SH2D4B: variants seen among roughly 807,000 people sequenced by gnomAD.
The protein encoded by SH2D4B is SH2 domain containing 4B.
A neutral mutation model predicts 61.5 loss-of-function variants in SH2D4B; 45 were observed. That is an observed-to-expected ratio of 0.73 (90% CI 0.58 to 0.94). The LOEUF (loss-of-function observed/expected upper bound fraction) is 0.94, where lower values mean the gene tolerates loss of function less well. Ranked by LOEUF, SH2D4B falls within the 40% of genes least tolerant of loss-of-function variation. The pLI is 0.00. For missense variants in SH2D4B, 572 were observed against 574.2 expected (o/e 1.00, Z 0.04); for synonymous variants, 224 against 220.4 (o/e 1.02, Z -0.14).
intron 7 of SH2D4B, among the ~76,000 whole-genome samples, chr10:80,641,239 T>C (rs1840301384): frequency 6.6e-6 from 1 of 152,232 alleles, no homozygotes; most frequent in Non-Finnish European, 1.5e-5. Flanking sequence ...CCAGTTAGGC[T>C]ACACAGGGGT....
chr10:80,588,726 C>G lies in SH2D4B; in HGVS notation c.592C>G (p.Gln198Glu), dbSNP rs1224306254. The G allele has an allele frequency of 8.1e-6, 13 of 1,614,110 alleles. No individual in the cohort carries two copies. In the Admixed American group the frequency reaches 1.2e-4, roughly 14 times the overall value. Residue 198 changes from glutamine (Q) to glutamate (E), a missense_variant, in exon 4 of 8, where the codon CAG (glutamine) becomes GAG (glutamate). Gln to Glu is a conservative substitution (Grantham distance 29). Coordinates refer to ENST00000646907, the MANE Select transcript of SH2D4B (RefSeq NM_001388272.1). Reference sequence around the variant, plus strand: ...GCTCTACTGGACCCTGAAGCAGGCTCAGCTGCATTGCCAAGCCAGTGAGAA... The same window carrying G: ...GCTCTACTGGACCCTGAAGCAGGCTGAGCTGCATTGCCAAGCCAGTGAGAA... ...KELYWTLKQA[Q>E]LHCQASEKEE...
intron 3 of SH2D4B, among the ~76,000 whole-genome samples, chr10:80,573,275 C>T (rs1842086098): frequency 6.6e-6 from 1 of 151,486 alleles, no homozygotes; most frequent in Non-Finnish European, 1.5e-5. Context: ...CGTGAACCAC[C>T]GTGCCCGGCC....
chr10:80,581,132 C>G (rs1433730290), intron 3 of SH2D4B, among the ~76,000 whole-genome samples: 1 of 152,154 alleles, frequency 6.6e-6, no homozygotes, highest in Non-Finnish European at 1.5e-5. Flanking sequence ...AGTCATTTTC[C>G]TCTGAGATGG....
intron 5 of SH2D4B, among the ~76,000 whole-genome samples, chr10:80,606,790 G>GA (rs1842524891): frequency 6.6e-6 from 1 of 152,058 alleles, no homozygotes; most frequent in South Asian, 2.1e-4. Flanking sequence ...CTGCTGGTAT[G>GA]ACTTTGGCTA....
chr10:80,632,791 G>A (rs1842847616), intron 6 of SH2D4B, among the ~76,000 whole-genome samples: 1 of 151,976 alleles, frequency 6.6e-6, no homozygotes, highest in South Asian at 2.1e-4. Context: ...CCTTCTGGGG[G>A]GAAGCAGCGG....
chr10:80,595,723 G>A (rs531666144), intron 4 of SH2D4B, among the ~76,000 whole-genome samples: 5 of 152,236 alleles, frequency 3.3e-5, no homozygotes, highest in African/African-American at 1.2e-4. Context: ...TGTAAGCAGG[G>A]GACAGACTCC....
At chr10:80,583,481 C>G (rs1033481343) in intron 3 of SH2D4B, among the ~76,000 whole-genome samples, 1 of 138,648 alleles carries the variant, frequency 7.2e-6, no homozygotes, top group Non-Finnish European at 1.5e-5. Flanking sequence ...CCAGCCTGAC[C>G]AACATGATGA....
At chr10:80,566,733 G>T (rs1227339653) in intron 1 of SH2D4B, among the ~76,000 whole-genome samples, 1 of 152,160 alleles carries the variant, frequency 6.6e-6, no homozygotes, top group Admixed American at 6.5e-5. Flanking sequence ...AATTGGCAGT[G>T]TCTGCTGTAA....
At chr10:80,593,440 C>T (rs1055747258) in intron 4 of SH2D4B, among the ~76,000 whole-genome samples, 3 of 152,150 alleles carry the variant, frequency 2.0e-5, no homozygotes, top group Non-Finnish European at 2.9e-5. Flanking sequence ...TTCCTAATGG[C>T]GTATTCTTTC....
intron 3 of SH2D4B, among the ~76,000 whole-genome samples, chr10:80,578,525 A>T (rs1419901798): frequency 6.6e-6 from 1 of 152,142 alleles, no homozygotes; most frequent in Non-Finnish European, 1.5e-5. Flanking sequence ...ATGAGCAAGC[A>T]CAAGAGATGG....
At chr10:80,567,469 C>T (rs1841985027) in intron 1 of SH2D4B, among the ~76,000 whole-genome samples, 1 of 152,222 alleles carries the variant, frequency 6.6e-6, no homozygotes, top group African/African-American at 2.4e-5. Context: ...CTGCATCCAG[C>T]TGAAAGTCCA....
Position 80,594,028 on chromosome 10 carries a change from G to A in SH2D4B, c.643+5251G>A, listed in dbSNP as rs573607076. Reference sequence around the variant, plus strand: ...GGGTTTTGCCATGTTGCCCAGTCTGGTCTTAAAACTCCTGAGCTCAAGAAG... The same window carrying A: ...GGGTTTTGCCATGTTGCCCAGTCTGATCTTAAAACTCCTGAGCTCAAGAAG... On this transcript the variant is annotated intron_variant, in intron 4 of 7. Coordinates refer to ENST00000646907, the MANE Select transcript of SH2D4B (RefSeq NM_001388272.1). Among the ~76,000 whole-genome samples, 198 of 152,132 alleles carry A rather than the reference G, an allele frequency of 1.3e-3. 1 individual carries two copies. The highest frequency in any genetic ancestry group is 4.4e-3 in the African/African-American group (184 of 41,496).
intron 1 of SH2D4B, among the ~76,000 whole-genome samples, chr10:80,551,490 T>C (rs1841760983): frequency 6.6e-6 from 1 of 151,428 alleles, no homozygotes; most frequent in South Asian, 2.1e-4. Context: ...AATGAAGTGC[T>C]CCAAATCAAC....
intron 3 of SH2D4B, among the ~76,000 whole-genome samples, chr10:80,586,219 C>T (rs1008751454): frequency 2.6e-5 from 4 of 152,268 alleles, no homozygotes; most frequent in East Asian, 3.9e-4. Flanking sequence ...TGCTCCATGC[C>T]GTCCAGTCCC....
chr10:80,565,691 C>A (rs1318193319), intron 1 of SH2D4B, among the ~76,000 whole-genome samples: 1 of 152,168 alleles, frequency 6.6e-6, no homozygotes, highest in South Asian at 2.1e-4. Flanking sequence ...TATCTTTTGC[C>A]TCCCCATCCT....
chr10:80,637,238 G>C (rs1193393124), intron 7 of SH2D4B, among the ~76,000 whole-genome samples: 1 of 152,186 alleles, frequency 6.6e-6, no homozygotes, highest in African/African-American at 2.4e-5. Flanking sequence ...CTCCAGCTTT[G>C]TTCTTTTGCT....
chr10:80,609,399 C>T (rs909263534), intron 5 of SH2D4B, 25 bp from the exon 6 acceptor site: 5 of 1,608,780 alleles, frequency 3.1e-6, no homozygotes, highest in Non-Finnish European at 4.2e-6. Flanking sequence ...GACTCTTCTG[C>T]CCTCCCCACT....
chr10:80,644,787 C>A lies in SH2D4B; in HGVS notation c.*702C>A, dbSNP rs1439261913. The A allele has an allele frequency of 6.6e-6, 1 of 152,184 alleles. No homozygotes were observed. Among genetic ancestry groups the A allele is most frequent in the Non-Finnish European group, 1.5e-5 (1 of 68,052 alleles). 9.4% of individuals were successfully genotyped at this position (152,184 alleles called of 1,614,324 possible). ...TGGTTTTGCAATGGTTTTATGTCAT[C>A]CTACAGATGTCTTCAAGACCTGGGG... On this transcript the variant is annotated 3_prime_UTR_variant, in exon 8 of 8. Transcript: ENST00000646907.
chr10:80,634,255 GT>G, intron 6 of SH2D4B, 29 bp from the exon 7 acceptor site: 1 of 1,482,970 alleles, frequency 6.7e-7, no homozygotes, highest in Non-Finnish European at 9.0e-7. Flanking sequence ...AACCTGCTGT[GT>G]TTTTTTGTTT....
Sources: gnomAD v4.1 joint callset for allele counts (sites outside exome capture counted in the v4.1 genomes callset) on GRCh38, gnomAD v4.1.1 for gene constraint, MANE v1.5 for transcripts, NCBI Gene and HGNC (gene_info 2026-07-23, HGNC 2026-07-21) for gene names.